UNC13B: variants seen among roughly 807,000 people sequenced by gnomAD.
UNC13B encodes protein unc-13 homolog B.
A neutral mutation model predicts 211.0 loss-of-function variants in UNC13B; 144 were observed. The ratio of observed to expected loss-of-function variants is 0.68; its 90% CI spans 0.60 to 0.78. The LOEUF is 0.78. Ranked by LOEUF, UNC13B falls within the 30% of genes least tolerant of loss-of-function variation. The pLI, the probability that UNC13B is intolerant of heterozygous loss-of-function variation, is 0.00. For synonymous variants in UNC13B, 709 were observed against 725.8 expected (o/e 0.98, Z 0.37); for missense variants, 1,777 against 2,002.0 (o/e 0.89, Z 2.14).
rs1829750662 is a variant in UNC13B at position 35,302,803 on chromosome 9, G to A, written c.3399G>A (p.Glu1133=). 2 of 398,596 alleles carry A rather than the reference G, an allele frequency of 5.0e-6. No individual in the cohort carries two copies. The highest frequency in any genetic ancestry group is 8.9e-6 in the Non-Finnish European group (2 of 225,748). 24.7% of individuals were successfully genotyped at this position (398,596 alleles called of 1,614,324 possible). A position where few individuals can be genotyped will look rare whatever the true frequency, so the allele number is the denominator to read the frequency against. ...TGGTTAATGAAATTAATGAAGATGAGGTTATAGATAAGACTTCCAAGAAAA... is the reference window on the plus strand; with the variant it reads ...TGGTTAATGAAATTAATGAAGATGAAGTTATAGATAAGACTTCCAAGAAAA... ...STLVNEINED[E]VIDKTSKKNT... The change falls in exon 9 of 40, where the codon GAG becomes GAA. Residue 1133 remains glutamate, a synonymous_variant. Transcript: ENST00000635942.
chr9:35,342,365 A>G (rs1832056777), intron 11 of UNC13B: 1 of 985,616 alleles, frequency 1.0e-6, no homozygotes, highest in Non-Finnish European at 1.2e-6. Flanking sequence ...CCGAGTGTGT[A>G]TGACTGACTG....
At chr9:35,385,257 A>G in intron 22 of UNC13B, 7 of 985,492 alleles carry the variant, frequency 7.1e-6, no homozygotes, top group Non-Finnish European at 8.4e-6. Flanking sequence ...GCTGCAGAAC[A>G]GTAGAAGAGC....
At position 35,382,385 on chromosome 9, in the gene UNC13B, A is replaced by G. The variant is rs756001226; in HGVS notation, c.10684A>G (p.Met3562Val). ...THFACLSSKY[M>V]CPGVPAVMST... is the part of the protein sequence containing the mutation. ...CTTTGCATGTTTATCATCCAAGTAC[A>G]TGTGTCCTGGTGTGCCAGCAGTGAT... is the stretch of plus-strand genomic sequence containing the variant. Residue 3562 changes from methionine (M) to valine (V), a missense_variant, in exon 21 of 40, where the codon ATG becomes GTG. Transcript: ENST00000635942. 5.6e-6 allele frequency: 9 copies of G among 1,613,780 alleles called. No individual in the cohort carries two copies. The East Asian group carries it at 1.6e-4, about 28-fold the overall frequency.
rs34205095 is a variant in UNC13B at position 35,399,736 on chromosome 9, G to GC, written c.12336+14dup. The GC allele has an allele frequency of 1.2e-6, 2 of 1,613,780 alleles. No homozygotes were observed. The highest frequency in any genetic ancestry group is 1.3e-5 in the African/African-American group (1 of 74,924). ...CGCCCTGGACACCATCAAGGTGGAG[G>GC]CCCCCCCTTTTTCAGACAGTCTTAA... On this transcript the variant is annotated splice_region_variant and intron_variant, in intron 36 of 39. Coordinates refer to ENST00000635942, the MANE Select transcript of UNC13B (RefSeq NM_001371189.2).
chr9:35,217,676 A>G (rs958362107), intron 1 of UNC13B, among the ~76,000 whole-genome samples: 2 of 152,152 alleles, frequency 1.3e-5, no homozygotes. Flanking sequence ...GGCGTGAGCC[A>G]CTGTGCCCGG....
intron 33 of UNC13B, 47 bp from the exon 34 acceptor site, chr9:35,399,114 G>C: frequency 6.2e-7 from 1 of 1,614,042 alleles, no homozygotes; most frequent in East Asian, 2.2e-5. Context: ...TGGGGAGAGG[G>C]GTTCTCAAAC....
chr9:35,392,027 C>T (rs1377397578), intron 26 of UNC13B, among the ~76,000 whole-genome samples: 1 of 152,208 alleles, frequency 6.6e-6, no homozygotes, highest in Non-Finnish European at 1.5e-5. Flanking sequence ...GGCCTGATTT[C>T]ATACCTCAAT....
At chr9:35,182,217 T>C (rs972041095) in intron 1 of UNC13B, among the ~76,000 whole-genome samples, 2 of 152,220 alleles carry the variant, frequency 1.3e-5, no homozygotes, top group Non-Finnish European at 2.9e-5. Flanking sequence ...ATCAGTTTTC[T>C]TGAAAGTTGA....
rs141735463 is a variant in UNC13B at position 35,216,386 on chromosome 9, C to T, written c.23-11629C>T. On this transcript the variant is annotated intron_variant, in intron 1 of 39. Coordinates refer to ENST00000635942, the MANE Select transcript of UNC13B (RefSeq NM_001371189.2). ...GACGACAGACCAGCTAGGGGTTTCA[C>T]GACCCATGGAATGACATAGCAGTGA... 7.4e-4 allele frequency among the ~76,000 whole-genome samples: 113 copies of T among 152,284 alleles called. 1 individual carries two copies. Among genetic ancestry groups the T allele is most frequent in the Middle Eastern group, 3.4e-3 (1 of 294 alleles).
chr9:35,382,600 T>C, intron 21 of UNC13B, 93 bp downstream of exon 21: 1 of 1,457,754 alleles, frequency 6.9e-7, no homozygotes, highest in Non-Finnish European at 9.2e-7. Flanking sequence ...TCTCGCTCTG[T>C]TGCCCAGGCT....
At position 35,172,102 on chromosome 9, in the gene UNC13B, TG is replaced by T. The variant is rs550847683; in HGVS notation, c.22+9800del. Among the ~76,000 whole-genome samples, 355 of 152,054 alleles carry T rather than the reference TG, an allele frequency of 2.3e-3. 3 individuals carry two copies. The highest frequency in any genetic ancestry group is 0.017 in the Middle Eastern group (5 of 294). On this transcript the variant is annotated intron_variant, in intron 1 of 39. Coordinates refer to ENST00000635942, the MANE Select transcript of UNC13B (RefSeq NM_001371189.2). The stretch of plus-strand genomic sequence containing the variant: ...AGGCAGGTCTCAGGTCTCAAACTCC[TG>T]GGCTCAAGGCCTCCTCCTGCCTCCG...
At chr9:35,247,834 G>A (rs1239423360) in intron 6 of UNC13B, among the ~76,000 whole-genome samples, 1 of 152,124 alleles carries the variant, frequency 6.6e-6, no homozygotes, top group African/African-American at 2.4e-5. Context: ...TTGTGTCTCT[G>A]CCAGGCTTTG....
rs73499342 is a variant in UNC13B, at chr9:35,294,926, C to T, written c.527-770C>T. On this transcript the variant is annotated intron_variant, in intron 7 of 39. Transcript: ENST00000635942. ...CTGGTCTGAAGGACAAATAATTCTA[C>T]GAAATTGTAGTCACTGCTGTTGGAT... Among the ~76,000 whole-genome samples the T allele has an allele frequency of 3.2e-3, 492 of 152,296 alleles. 6 individuals carry two copies. Among genetic ancestry groups the T allele is most frequent in the South Asian group, 0.018 (85 of 4,826 alleles).
At chr9:35,375,965 G>A (rs975334032) in intron 14 of UNC13B, 63 bp from the exon 15 acceptor site, 1 of 1,554,446 alleles carries the variant, frequency 6.4e-7, no homozygotes. Flanking sequence ...GGGCAACAGA[G>A]CAAGACTCTG....
Position 35,389,906 on chromosome 9 carries a change from A to G in UNC13B, c.11155A>G (p.Lys3719Glu), listed in dbSNP as rs1835422005. 2 of 1,614,146 alleles carry G rather than the reference A, an allele frequency of 1.2e-6. No individual in the cohort carries two copies. Among genetic ancestry groups the G allele is most frequent in the Non-Finnish European group, 1.7e-6 (2 of 1,180,004 alleles). Residue 3719 changes from lysine to glutamate, a missense_variant, in exon 25 of 40, where the codon AAG becomes GAG. Coordinates refer to ENST00000635942, the MANE Select transcript of UNC13B (RefSeq NM_001371189.2). ...CATTCGGAACCTGGATTTCTGGCCC[A>G]AGCTCATCACACTCATCGTGTCAAT... ...PSIRNLDFWP[K>E]LITLIVSIIE... is the part of the protein sequence containing the mutation.
chr9:35,399,059 C>T, intron 33 of UNC13B, 25 bp downstream of exon 33: 2 of 1,613,550 alleles, frequency 1.2e-6, no homozygotes, highest in South Asian at 1.1e-5. Context: ...CAGGACTATC[C>T]TGTGGGGATG....
intron 1 of UNC13B, among the ~76,000 whole-genome samples, chr9:35,174,552 C>CA (rs1564045055): frequency 4.3e-5 from 6 of 140,914 alleles, no homozygotes. Context: ...TCTTGAACTC[C>CA]TTTTTTTTTT....
intron 1 of UNC13B, among the ~76,000 whole-genome samples, chr9:35,214,000 G>A (rs1250257192): frequency 6.6e-6 from 1 of 152,112 alleles, no homozygotes; most frequent in African/African-American, 2.4e-5. Context: ...CAACCAGAGT[G>A]TCATGATACA....
chr9:35,201,988 T>C (rs1240112196), intron 1 of UNC13B, among the ~76,000 whole-genome samples: 3 of 152,184 alleles, frequency 2.0e-5, no homozygotes, highest in Non-Finnish European at 4.4e-5. Flanking sequence ...TGCTATAAAT[T>C]TCCGTCTACA....
Sources: gnomAD v4.1 joint callset for allele counts (sites outside exome capture counted in the v4.1 genomes callset) on GRCh38, gnomAD v4.1.1 for gene constraint, MANE v1.5 for transcripts, NCBI Gene and HGNC (gene_info 2026-07-23, HGNC 2026-07-21) for gene names.